Variants in GRIA3 observed in about 807,000 individuals in gnomAD.
GRIA3 encodes the protein glutamate receptor 3.
GRIA3 carries 3 observed loss-of-function variants against 63.0 expected under a neutral mutation model. The observed-to-expected ratio is 0.05, with a 90% CI of 0.02 to 0.12. GRIA3 has a LOEUF of 0.12. Ranked by LOEUF, GRIA3 falls within the 10% of genes least tolerant of loss-of-function variation. GRIA3 has a pLI of 1.00. For synonymous variants in GRIA3, 274 were observed against 257.9 expected (o/e 1.06, Z -0.60); for missense variants, 347 against 700.9 (o/e 0.50, Z 5.70).
At chrX:123,252,356 G>A (rs2044395542) in intron 2 of GRIA3, among the ~76,000 whole-genome samples, 1 of 112,481 alleles carries the variant, frequency 8.9e-6, no homozygotes, top group African/African-American at 3.2e-5. Flanking sequence ...CATTATGCCT[G>A]TTATGTCTGC....
At chrX:123,449,318 T>C (rs2045718488) in intron 12 of GRIA3, among the ~76,000 whole-genome samples, 1 of 112,494 alleles carries the variant, frequency 8.9e-6, no homozygotes, top group African/African-American at 3.2e-5. Flanking sequence ...ATCTGACTAC[T>C]TCTCTAATGA....
intron 11 of GRIA3, among the ~76,000 whole-genome samples, chrX:123,422,691 C>G (rs768020662): frequency 7.6e-4 from 85 of 112,256 alleles, no homozygotes; most frequent in South Asian, 1.8e-3. Flanking sequence ...AAGCACAGTG[C>G]CTAGCATGTA....
chrX:123,276,851 C>T (rs1020208792), intron 3 of GRIA3, among the ~76,000 whole-genome samples: 5 of 111,549 alleles, frequency 4.5e-5, no homozygotes, highest in African/African-American at 1.6e-4. Flanking sequence ...AGTATGGTAA[C>T]TACTAGACAC....
chrX:123,453,246 A>G (rs1337297686), intron 12 of GRIA3, among the ~76,000 whole-genome samples: 1 of 111,600 alleles, frequency 9.0e-6, no homozygotes, highest in East Asian at 2.8e-4. Flanking sequence ...TTGTAGGGAC[A>G]TGGTTGAAGC....
intron 3 of GRIA3, among the ~76,000 whole-genome samples, chrX:123,297,671 G>A (rs2044694375): frequency 9.0e-6 from 1 of 111,653 alleles, no homozygotes; most frequent in South Asian, 3.7e-4. Flanking sequence ...AATGGTCTGA[G>A]TTTGAATCCT....
chrX:123,343,799 T>C (rs984270358), intron 4 of GRIA3, among the ~76,000 whole-genome samples: 2 of 108,511 alleles, frequency 1.8e-5, no homozygotes, highest in African/African-American at 6.7e-5. Flanking sequence ...TCTCACTATG[T>C]TGCCCAGGCT....
intron 12 of GRIA3, among the ~76,000 whole-genome samples, chrX:123,463,713 AAAGAAAGAAAGAGAAAG>A (rs1232845078): frequency 3.9e-5 from 4 of 102,981 alleles, no homozygotes; most frequent in African/African-American, 1.6e-4. Context: ...AGAAAGAAAG[AAAGAAAGAAAGAGAAAG>A]AAGAGAGAGA....
chrX:123,479,541 T>C (rs1250531472), intron 13 of GRIA3, among the ~76,000 whole-genome samples: 1 of 112,270 alleles, frequency 8.9e-6, no homozygotes, highest in Non-Finnish European at 1.9e-5. Context: ...GACAATTAAT[T>C]AGAAGGCATG....
chrX:123,202,629 C>A, intron 2 of GRIA3: 1 of 1,165,115 alleles, frequency 8.6e-7, no homozygotes. Flanking sequence ...CCTTGTCACC[C>A]CCACAGGTCC....
chrX:123,247,791 T>TG (rs976555133), intron 2 of GRIA3, among the ~76,000 whole-genome samples: 1 of 111,091 alleles, frequency 9.0e-6, no homozygotes, highest in Non-Finnish European at 1.9e-5. Flanking sequence ...AGTGATATCC[T>TG]GGGGCTTGGT....
chrX:123,203,032 A>G (rs190368510), intron 2 of GRIA3, among the ~76,000 whole-genome samples: 1 of 111,947 alleles, frequency 8.9e-6, no homozygotes, highest in African/African-American at 3.2e-5. Flanking sequence ...ATGACTGTTA[A>G]GGCAATGATA....
At chrX:123,217,540 C>G (rs1928190059) in intron 2 of GRIA3, among the ~76,000 whole-genome samples, 1 of 111,965 alleles carries the variant, frequency 8.9e-6, no homozygotes, top group African/African-American at 3.3e-5. Flanking sequence ...ACAAACTCAC[C>G]TTTCTCAGAG....
intron 12 of GRIA3, among the ~76,000 whole-genome samples, chrX:123,451,629 C>T (rs1214177362): frequency 9.6e-6 from 1 of 104,237 alleles, no homozygotes; most frequent in Non-Finnish European, 1.9e-5. Context: ...GAAGTGGTTG[C>T]ATTTTGAATA....
intron 10 of GRIA3, among the ~76,000 whole-genome samples, chrX:123,407,896 G>A (rs904614229): frequency 1.8e-5 from 2 of 111,538 alleles, no homozygotes; most frequent in African/African-American, 6.5e-5. Context: ...TCATTCTGGA[G>A]AGAAGAGTGT....
chrX:123,355,279 A>G (rs2045125264), intron 5 of GRIA3, among the ~76,000 whole-genome samples: 1 of 112,542 alleles, frequency 8.9e-6, no homozygotes. Flanking sequence ...AATTGGGGAC[A>G]CAGGAAACTG....
intron 3 of GRIA3, among the ~76,000 whole-genome samples, chrX:123,267,526 G>C (rs1240048608): frequency 1.8e-5 from 2 of 111,970 alleles, no homozygotes; most frequent in Admixed American, 9.5e-5. Flanking sequence ...ATGGTATTTA[G>C]ACAGCCACAT....
At chrX:123,184,917 C>T in intron 1 of GRIA3, 1 of 457,817 alleles carries the variant, frequency 2.2e-6, no homozygotes, top group Non-Finnish European at 4.0e-6. Flanking sequence ...GAGAGGAGCA[C>T]CGGAGGCGAG....
At chrX:123,263,133 C>T (rs2044469628) in intron 3 of GRIA3, among the ~76,000 whole-genome samples, 1 of 112,266 alleles carries the variant, frequency 8.9e-6, no homozygotes, top group African/African-American at 3.2e-5. Context: ...TGCTCTTTCC[C>T]TCTCTCTTGC....
intron 11 of GRIA3, among the ~76,000 whole-genome samples, chrX:123,427,394 T>G (rs1048742658): frequency 9.0e-6 from 1 of 111,615 alleles, no homozygotes; most frequent in African/African-American, 3.3e-5. Flanking sequence ...CATGAGTTTT[T>G]TTTTAAGATC....
Sources: allele counts gnomAD v4.1 joint callset (sites outside exome capture counted in the v4.1 genomes callset), GRCh38; gene constraint gnomAD v4.1.1; transcripts MANE v1.5; gene names NCBI Gene and HGNC (gene_info 2026-07-23, HGNC 2026-07-21).